Variants in KLRG1 observed in about 807,000 individuals in gnomAD.
KLRG1 encodes killer cell lectin-like receptor subfamily G member 1.
A neutral mutation model predicts 21.8 loss-of-function variants in KLRG1; 16 were observed. That is an observed-to-expected ratio of 0.73 (90% CI 0.50 to 1.11). The LOEUF (loss-of-function observed/expected upper bound fraction) is 1.11. Among genes scored for constraint, KLRG1 ranks in the 50% most tolerant of loss-of-function variants. KLRG1 has a pLI of 0.00. For synonymous variants in KLRG1, 69 were observed against 75.9 expected, an observed-to-expected ratio of 0.91 and a Z score of 0.47; for missense variants, 173 against 218.3, an observed-to-expected ratio of 0.79 and a Z score of 1.31.
chr12:9,203,964 G>A, the KLRG1 span: 1 of 1,599,200 alleles, frequency 6.3e-7, no homozygotes, highest in Non-Finnish European at 8.5e-7. Flanking sequence ...GGGAAAGGAA[G>A]AAGTCTAAAT....
chr12:9,169,379 A>C, the KLRG1 span: 23 of 1,460,212 alleles, frequency 1.6e-5, no homozygotes, highest in Non-Finnish European at 2.0e-5. Flanking sequence ...GAGTTTTATT[A>C]ACATTCAAAA....
At chr12:9,161,793 C>T in the KLRG1 span, among the ~76,000 whole-genome samples, 1 of 152,128 alleles carries the variant, frequency 6.6e-6, no homozygotes, top group Non-Finnish European at 1.5e-5. Context: ...ACAACTACTT[C>T]TTAATGATAT....
At chr12:8,964,241 G>T (rs749565501) in intron 1 of KLRG1, among the ~76,000 whole-genome samples, 2 of 152,248 alleles carry the variant, frequency 1.3e-5, no homozygotes, top group East Asian at 3.9e-4. Context: ...TCGTGTCTTT[G>T]TTCCTGTTGG....
chr12:9,043,658 T>C, the KLRG1 span, among the ~76,000 whole-genome samples: 2 of 152,250 alleles, frequency 1.3e-5, no homozygotes, highest in African/African-American at 2.4e-5. Context: ...TGCTCTTTTG[T>C]AATGTGATCT....
the KLRG1 span, among the ~76,000 whole-genome samples, chr12:9,135,930 G>A: frequency 3.3e-5 from 5 of 151,918 alleles, no homozygotes; most frequent in African/African-American, 1.2e-4. Context: ...AGTAGATCTC[G>A]CAGAGGAATT....
the KLRG1 span, among the ~76,000 whole-genome samples, chr12:9,155,510 G>A: frequency 6.8e-6 from 1 of 147,700 alleles, no homozygotes; most frequent in Non-Finnish European, 1.5e-5. Context: ...TGTTGTTGTT[G>A]TTTTTGTACT....
At chr12:9,174,192 C>T in the KLRG1 span, among the ~76,000 whole-genome samples, 413 of 152,178 alleles carry the variant, frequency 2.7e-3, 1 homozygote, top group African/African-American at 9.4e-3. Context: ...TCAATAAGTG[C>T]GATTCATTAC....
chr12:9,141,984 A>G, the KLRG1 span, among the ~76,000 whole-genome samples: 5 of 152,200 alleles, frequency 3.3e-5, no homozygotes, highest in Non-Finnish European at 7.3e-5. Flanking sequence ...TTTAAATTGT[A>G]CAACATTTCT....
chr12:9,189,552 T>G, the KLRG1 span, among the ~76,000 whole-genome samples: 4 of 152,186 alleles, frequency 2.6e-5, no homozygotes, highest in African/African-American at 9.7e-5. Flanking sequence ...GAAGACAACC[T>G]AGGCAATACC....
the KLRG1 span, chr12:9,170,126 C>G: frequency 6.6e-6 from 1 of 152,216 alleles, no homozygotes. This position sits in a 1 kb window ranked among gnomAD's most constrained non-coding sequence, Gnocchi z 4.6. Context: ...ACTGACTAGG[C>G]AAGCAACTTG....
the KLRG1 span, among the ~76,000 whole-genome samples, chr12:9,141,153 A>T: frequency 2.6e-5 from 4 of 152,324 alleles, no homozygotes; most frequent in African/African-American, 9.6e-5. Context: ...TAACATAACA[A>T]TTATAATTAT....
chr12:8,983,119 A>T (rs1178327476), intron 1 of KLRG1, among the ~76,000 whole-genome samples: 1 of 152,002 alleles, frequency 6.6e-6, no homozygotes, highest in Non-Finnish European at 1.5e-5. Context: ...TGTTTTTTTT[A>T]AAGAAATTAA....
At chr12:9,129,549 G>A in the KLRG1 span, among the ~76,000 whole-genome samples, 1 of 151,952 alleles carries the variant, frequency 6.6e-6, no homozygotes, top group African/African-American at 2.4e-5. Context: ...GAAGATGCAG[G>A]TATGGGTTTT....
At chr12:9,116,261 C>G in the KLRG1 span, 9 of 268,352 alleles carry the variant, frequency 3.4e-5, no homozygotes, top group Non-Finnish European at 6.7e-5. Context: ...ACAATTTAAG[C>G]AACACTGGGC....
chr12:9,162,106 C>T, the KLRG1 span, among the ~76,000 whole-genome samples: 61,163 of 151,922 alleles, frequency 0.4, 12,476 homozygotes, highest in Middle Eastern at 0.44. Flanking sequence ...GGACTACAGG[C>T]GCCCGCCACC....
chr12:9,040,369 C>T, the KLRG1 span, among the ~76,000 whole-genome samples: 4 of 152,154 alleles, frequency 2.6e-5, no homozygotes, highest in Non-Finnish European at 5.9e-5. Flanking sequence ...GTCAGGAAAT[C>T]TTTCCTTAGT....
At chr12:9,206,895 G>A in the KLRG1 span, among the ~76,000 whole-genome samples, 38 of 152,218 alleles carry the variant, frequency 2.5e-4, no homozygotes, top group African/African-American at 2.2e-4. Flanking sequence ...CACGCTACTC[G>A]CTTTATCCAT....
the KLRG1 span, among the ~76,000 whole-genome samples, chr12:9,094,340 C>CTT: frequency 1.0e-5 from 1 of 97,018 alleles, no homozygotes; most frequent in Non-Finnish European, 2.0e-5. Context: ...AAAAATTGTG[C>CTT]ATATATATAT....
chr12:9,169,457 A>G, the KLRG1 span: 17 of 1,609,228 alleles, frequency 1.1e-5, no homozygotes, highest in Non-Finnish European at 1.4e-5. Context: ...TATCTGCTTC[A>G]TTACTTGATA....
Sources: gnomAD v4.1 joint callset for allele counts (sites outside exome capture counted in the v4.1 genomes callset) on GRCh38, gnomAD v4.1.1 for gene constraint, Gnocchi (gnomAD v3.1) non-coding constraint, MANE v1.5 for transcripts, NCBI Gene and HGNC (gene_info 2026-07-23, HGNC 2026-07-21) for gene names.